Variants in LPP observed in about 807,000 individuals in gnomAD.
The protein encoded by LPP is LIM domain containing preferred translocation partner in lipoma.
In LPP, 38 loss-of-function variants were observed where a neutral mutation model predicts 60.4. The ratio of observed to expected loss-of-function variants is 0.63; its 90% CI spans 0.49 to 0.83. The LOEUF is 0.83. Among genes scored for constraint, LPP ranks in the 40% least tolerant of loss-of-function variants. The pLI is 0.00. For synonymous variants in LPP, 328 were observed against 290.8 expected (o/e 1.13, Z -1.30); for missense variants, 902 against 783.6 (o/e 1.15, Z -1.80).
chr3:188,361,125 T>G (rs969829128), intron 3 of LPP, among the ~76,000 whole-genome samples: 4 of 152,172 alleles, frequency 2.6e-5, no homozygotes, highest in African/African-American at 9.7e-5. Context: ...AAAGCTCTTT[T>G]AGGTTTCTGG....
At chr3:188,738,252 C>T (rs1818842) in intron 8 of LPP, among the ~76,000 whole-genome samples, 11,709 of 151,964 alleles carry the variant, frequency 0.077, 476 homozygotes, top group African/African-American at 0.12. Flanking sequence ...GACTCCTTTG[C>T]GAAAACAACA....
chr3:188,370,357 C>T (rs573229596), intron 3 of LPP, among the ~76,000 whole-genome samples: 9 of 152,270 alleles, frequency 5.9e-5, no homozygotes, highest in East Asian at 3.9e-4. Context: ...GGAGTTCGCA[C>T]GTTGCTCTTG....
chr3:188,821,009 CT>C (rs941681499), intron 9 of LPP, among the ~76,000 whole-genome samples: 1 of 151,794 alleles, frequency 6.6e-6, no homozygotes, highest in African/African-American at 2.4e-5. Flanking sequence ...CAGAAATTAT[CT>C]TTTTTTGATT....
intron 7 of LPP, among the ~76,000 whole-genome samples, chr3:188,624,766 C>CCTTCCTTTTCAT: frequency 1.6e-5 from 1 of 62,382 alleles, no homozygotes; most frequent in Non-Finnish European, 3.1e-5. Context: ...CCTTCTCCTT[C>CCTTCCTTTTCAT]TCCTTCCTTC....
chr3:188,278,521 G>A lies in LPP; in HGVS notation c.-67+52994G>A, dbSNP rs115472251. Among the ~76,000 whole-genome samples, 828 of 152,238 alleles carry A rather than the reference G, an allele frequency of 5.4e-3. 4 individuals carry two copies. The highest frequency in any genetic ancestry group is 0.018 in the African/African-American group (756 of 41,544). ...CTCTCAAGGCTGAATTGGCTGACAT[G>A]CATCTTCTAGTGGATTCATTGTTTT... is the stretch of plus-strand genomic sequence containing the variant. On this transcript the variant is annotated intron_variant, in intron 2 of 11. Transcript: ENST00000617246.
chr3:188,760,439 T>C lies in LPP; in HGVS notation c.1410+157T>C, dbSNP rs9844848. Among the ~76,000 whole-genome samples, 51,321 of 149,756 alleles carry C rather than the reference T, an allele frequency of 0.34. 9,200 individuals carry two copies. Among genetic ancestry groups the C allele is most frequent in the Middle Eastern group, 0.54 (156 of 288 alleles). ...GTGTGTGTGTGTGTGTGTGTGTGCG[T>C]GCGCGCATGTAAATTAGCATATTGT... On this transcript the variant is annotated intron_variant, in intron 9 of 11. Transcript: ENST00000617246.
chr3:188,850,707 A>G (rs1380188459), intron 9 of LPP, among the ~76,000 whole-genome samples: 1 of 152,206 alleles, frequency 6.6e-6, no homozygotes, highest in African/African-American at 2.4e-5. Context: ...GTAGGACCAC[A>G]GAAAAGTAAA....
Position 188,882,120 on chromosome 3 carries a change from T to G in LPP, c.*7641T>G, listed in dbSNP as rs929522645. On this transcript the variant is annotated 3_prime_UTR_variant, in exon 12 of 12. Coordinates refer to ENST00000617246, the MANE Select transcript of LPP (RefSeq NM_001375462.1). ...CCAACTGTAATAAGATCCAACCACTTAAATCTGTACTTACTCAATAGGAAG... is the reference window on the plus strand; with the variant it reads ...CCAACTGTAATAAGATCCAACCACTGAAATCTGTACTTACTCAATAGGAAG... 1.4e-5 allele frequency: 3 copies of G among 210,832 alleles called. No homozygotes were observed. Among genetic ancestry groups the G allele is most frequent in the Non-Finnish European group, 2.9e-5 (3 of 103,976 alleles). The allele number at this position is 210,832 out of a possible 1,614,324, so 13.1% of individuals were successfully genotyped here.
chr3:188,684,735 GA>G lies in LPP; in HGVS notation c.1114-23519del, dbSNP rs1162032106. Among the ~76,000 whole-genome samples, 366 of 138,594 alleles carry G rather than the reference GA, an allele frequency of 2.6e-3. 1 individual carries two copies. Among genetic ancestry groups the G allele is most frequent in the African/African-American group, 7.9e-3 (306 of 38,656 alleles). The allele number at this position is 138,594 out of a possible 152,430, so 90.9% of individuals were successfully genotyped here. On this transcript the variant is annotated intron_variant, in intron 7 of 11. Transcript: ENST00000617246. ...TCTGAGACCAAAATTATACAACACT[GA>G]AAAAAAAAAAAACAAAATTTTCTTT...
At chr3:188,456,149 C>G (rs1797689031) in intron 4 of LPP, among the ~76,000 whole-genome samples, 1 of 152,204 alleles carries the variant, frequency 6.6e-6, no homozygotes, top group Non-Finnish European at 1.5e-5. Context: ...TCCCCAACCA[C>G]TGCGATTACA....
chr3:188,376,566 TCCTC>T (rs1324834304), intron 3 of LPP, among the ~76,000 whole-genome samples: 1 of 152,192 alleles, frequency 6.6e-6, no homozygotes, highest in Non-Finnish European at 1.5e-5. Flanking sequence ...TGATAGATCT[TCCTC>T]CATGCCTTTA....
At chr3:188,664,675 A>C (rs556115572) in intron 7 of LPP, among the ~76,000 whole-genome samples, 1 of 152,082 alleles carries the variant, frequency 6.6e-6, no homozygotes, top group East Asian at 1.9e-4. Flanking sequence ...CATTGCCACA[A>C]TCTTTTAATT....
chr3:188,755,567 G>A (rs895173941), intron 8 of LPP, among the ~76,000 whole-genome samples: 2 of 152,080 alleles, frequency 1.3e-5, no homozygotes, highest in African/African-American at 4.8e-5. Flanking sequence ...ACCTCAGGAG[G>A]CCAAGGTTGG....
chr3:188,345,882 T>C (rs968688347), intron 3 of LPP, among the ~76,000 whole-genome samples: 1 of 152,218 alleles, frequency 6.6e-6, no homozygotes, highest in Non-Finnish European at 1.5e-5. Context: ...ATCAGTTGAC[T>C]GAGTCTGAGG....
At chr3:188,637,001 C>T (rs1243333666) in intron 7 of LPP, among the ~76,000 whole-genome samples, 2 of 144,792 alleles carry the variant, frequency 1.4e-5, no homozygotes, top group East Asian at 3.9e-4. Context: ...CTCAGCTCTG[C>T]ACCAAGTGGA....
intron 5 of LPP, among the ~76,000 whole-genome samples, chr3:188,517,859 G>A (rs1308297985): frequency 2.0e-5 from 3 of 152,130 alleles, no homozygotes; most frequent in Non-Finnish European, 4.4e-5. Context: ...TTTGGATAGG[G>A]ACACAGAGCA....
At chr3:188,214,002 T>A (rs1712436420) in intron 1 of LPP, among the ~76,000 whole-genome samples, 1 of 54,690 alleles carries the variant, frequency 1.8e-5, no homozygotes, top group African/African-American at 5.2e-5. Flanking sequence ...ACACACACAC[T>A]TTTTAAGCCT....
chr3:188,460,299 A>G (rs1333213018), intron 4 of LPP, among the ~76,000 whole-genome samples: 1 of 152,256 alleles, frequency 6.6e-6, no homozygotes, highest in African/African-American at 2.4e-5. Context: ...TGAGAATGGG[A>G]CCTCTACTTT....
At chr3:188,200,112 A>C (rs1424105151) in intron 1 of LPP, among the ~76,000 whole-genome samples, 1 of 152,158 alleles carries the variant, frequency 6.6e-6, no homozygotes. Flanking sequence ...ATAAAGAATG[A>C]GTGATCGGTT....
Sources: gnomAD v4.1 joint callset for allele counts (sites outside exome capture counted in the v4.1 genomes callset) on GRCh38, gnomAD v4.1.1 for gene constraint, MANE v1.5 for transcripts, NCBI Gene and HGNC (gene_info 2026-07-23, HGNC 2026-07-21) for gene names.